The following RGS9 variants were observed in gnomAD, a reference collection of about 807,000 sequenced individuals.
The protein encoded by RGS9 is regulator of G protein signaling 9, also known as regulator of G-protein signalling 9.
In RGS9, 78 loss-of-function variants were observed where a neutral mutation model predicts 102.0. The observed-to-expected ratio is 0.76, with a 90% CI of 0.64 to 0.92. RGS9 has a LOEUF of 0.92. Among genes scored for constraint, RGS9 ranks in the 40% least tolerant of loss-of-function variants. The probability of loss-of-function intolerance (pLI) is 0.00; values close to 1 mark genes in which losing one functional copy is unlikely to be tolerated. For missense variants in RGS9, 833 were observed against 866.1 expected (o/e 0.96, Z 0.48); for synonymous variants, 353 against 318.6 (o/e 1.11, Z -1.15).
At chr17:65,179,972 GTCTC>G (rs375091069) in intron 9 of RGS9, 10 of 150,984 alleles carry the variant, frequency 6.6e-5, no homozygotes, top group Non-Finnish European at 5.9e-5. Context: ...TATCTTCTCT[GTCTC>G]TCTCTCTCTC....
chr17:65,195,774 T>A (rs1466990469), intron 12 of RGS9, among the ~76,000 whole-genome samples: 1 of 152,248 alleles, frequency 6.6e-6, no homozygotes, highest in East Asian at 1.9e-4. Context: ...TGGCCTGGGT[T>A]GCTGTCTCAC....
intron 9 of RGS9, among the ~76,000 whole-genome samples, chr17:65,179,065 G>C (rs551823736): frequency 1.3e-5 from 2 of 152,292 alleles, no homozygotes; most frequent in African/African-American, 2.4e-5. Context: ...ATTGCTTTCT[G>C]TCAAACATTG....
At chr17:65,205,523 G>T (rs140391243) in intron 15 of RGS9, among the ~76,000 whole-genome samples, 25 of 152,096 alleles carry the variant, frequency 1.6e-4, no homozygotes, top group African/African-American at 5.3e-4. Context: ...TATGATATAG[G>T]TTATGTGATA....
At chr17:65,151,340 T>TCC (rs759962371) in intron 1 of RGS9, among the ~76,000 whole-genome samples, 220 of 119,286 alleles carry the variant, frequency 1.8e-3, no homozygotes, top group South Asian at 3.8e-3. Context: ...GGAAGACCTG[T>TCC]CCCAAAAAAA....
chr17:65,151,886 G>A (rs1291440914), intron 1 of RGS9, among the ~76,000 whole-genome samples: 1 of 152,054 alleles, frequency 6.6e-6, no homozygotes, highest in Non-Finnish European at 1.5e-5. Flanking sequence ...CACATCACTT[G>A]CTTACTGGGT....
intron 17 of RGS9, among the ~76,000 whole-genome samples, chr17:65,218,069 A>T (rs1913577110): frequency 6.6e-6 from 1 of 152,198 alleles, no homozygotes; most frequent in Admixed American, 6.5e-5. Context: ...TGAACCAAAC[A>T]GTTGAGTAGA....
chr17:65,220,344 T>C (rs1409530795), intron 17 of RGS9, among the ~76,000 whole-genome samples: 2 of 152,166 alleles, frequency 1.3e-5, no homozygotes, highest in African/African-American at 4.8e-5. Context: ...GGGGGAGAAG[T>C]TGATGTCATG....
At chr17:65,215,541 TTTC>T (rs1401285887) in intron 17 of RGS9, among the ~76,000 whole-genome samples, 10 of 138,760 alleles carry the variant, frequency 7.2e-5, no homozygotes, top group South Asian at 6.7e-4. Context: ...TCTTTCTTTC[TTTC>T]TTTTTTTTTG....
intron 12 of RGS9, among the ~76,000 whole-genome samples, chr17:65,194,862 CACTGACCCAGCTGGGTAAGCAGGCCTG>C (rs999902385): frequency 2.6e-5 from 4 of 152,206 alleles, no homozygotes; most frequent in African/African-American, 9.6e-5. Flanking sequence ...ACACAGGTGA[CACTGACCCAGCTGGGTAAGCAGGCCTG>C]GCCTGGGAGG....
At position 65,163,095 on chromosome 17, in the gene RGS9, T is replaced by C. The variant is rs772692288; in HGVS notation, c.500+6T>C. On this transcript the variant is annotated splice_donor_region_variant and intron_variant, in intron 7 of 18. Transcript: ENST00000262406. The stretch of plus-strand genomic sequence containing the variant: ...CAGGCCAAAGAGCAGTACAGGTGAG[T>C]GAAAGGAGACCATGCTTGTCCTCTC... 2 of 1,537,026 alleles carry C rather than the reference T, an allele frequency of 1.3e-6. No individual in the cohort carries two copies. The highest frequency in any genetic ancestry group is 1.4e-5 in the African/African-American group (1 of 73,086).
chr17:65,160,187 G>A (rs577909301), intron 3 of RGS9, 46 bp from the exon 4 acceptor site: 54 of 1,478,342 alleles, frequency 3.7e-5, no homozygotes, highest in Non-Finnish European at 4.7e-5. Context: ...ATGAGCTCCT[G>A]TCTCAGCCCT....
chr17:65,146,372 G>A (rs1476724769), intron 1 of RGS9, among the ~76,000 whole-genome samples: 3 of 148,490 alleles, frequency 2.0e-5, no homozygotes, highest in African/African-American at 5.0e-5. Flanking sequence ...GGCGGATCAC[G>A]AGGTCAAGAG....
intron 1 of RGS9, among the ~76,000 whole-genome samples, chr17:65,143,239 G>A (rs1056637718): frequency 7.9e-5 from 12 of 152,074 alleles, no homozygotes; most frequent in African/African-American, 2.7e-4. Flanking sequence ...CAGGACAGCC[G>A]CCCTCACCAA....
At chr17:65,190,719 T>G (rs1912334489) in intron 11 of RGS9, among the ~76,000 whole-genome samples, 1 of 152,238 alleles carries the variant, frequency 6.6e-6, no homozygotes, top group Non-Finnish European at 1.5e-5. Context: ...TCTGGCTACC[T>G]TGACCCAGCC....
chr17:65,186,016 G>A (rs1170153790), intron 9 of RGS9, among the ~76,000 whole-genome samples: 1 of 152,138 alleles, frequency 6.6e-6, no homozygotes, highest in Non-Finnish European at 1.5e-5. Context: ...TGATGCTGGG[G>A]TCTGGACACC....
chr17:65,187,157 C>T (rs929460846), intron 9 of RGS9, among the ~76,000 whole-genome samples: 1 of 152,144 alleles, frequency 6.6e-6, no homozygotes, highest in Non-Finnish European at 1.5e-5. Context: ...TGTCCCCATT[C>T]TTCTAGGCCC....
At chr17:65,188,387 C>T (rs556936774) in intron 9 of RGS9, among the ~76,000 whole-genome samples, 1 of 152,338 alleles carries the variant, frequency 6.6e-6, no homozygotes, top group East Asian at 1.9e-4. Context: ...TTCCACAGGG[C>T]AGCTCAACTC....
chr17:65,164,442 T>C (rs998109944), intron 7 of RGS9, among the ~76,000 whole-genome samples: 14 of 152,136 alleles, frequency 9.2e-5, no homozygotes, highest in African/African-American at 3.4e-4. Flanking sequence ...GAACATCTGG[T>C]GACCCGCACC....
intron 18 of RGS9, 151 bp from the exon 19 acceptor site, chr17:65,227,124 A>G: frequency 1.1e-6 from 1 of 897,936 alleles, no homozygotes; most frequent in Admixed American, 2.0e-5. Flanking sequence ...TTGTAGTCAA[A>G]TGCTCTACCC....
Sources: gnomAD v4.1 joint callset for allele counts (sites outside exome capture counted in the v4.1 genomes callset) on GRCh38, gnomAD v4.1.1 for gene constraint, MANE v1.5 for transcripts, NCBI Gene and HGNC (gene_info 2026-07-23, HGNC 2026-07-21) for gene names.